TMEM131: variants seen among roughly 807,000 people sequenced by gnomAD.
TMEM131 encodes the protein transmembrane protein 131.
In TMEM131, 66 loss-of-function variants were observed where a neutral mutation model predicts 211.6. The ratio of observed to expected loss-of-function variants is 0.31; its 90% CI spans 0.26 to 0.38. The LOEUF (loss-of-function observed/expected upper bound fraction) is 0.38, where lower values mean the gene tolerates loss of function less well. Among genes scored for constraint, TMEM131 ranks in the 10% least tolerant of loss-of-function variants. TMEM131 has a pLI of 1.00. For missense variants in TMEM131, 2,036 were observed against 2,299.3 expected, an observed-to-expected ratio of 0.89 and a Z score of 2.34; for synonymous variants, 844 against 841.3, an observed-to-expected ratio of 1.00 and a Z score of -0.06.
intron 31 of TMEM131, among the ~76,000 whole-genome samples, chr2:97,784,790 A>G (rs1680174308): frequency 1.3e-5 from 2 of 152,176 alleles, no homozygotes; most frequent in African/African-American, 4.8e-5. Flanking sequence ...TAAGCAACGG[A>G]GAAAAATCAA....
At chr2:97,973,779 G>A (rs1231969606) in intron 1 of TMEM131, among the ~76,000 whole-genome samples, 1 of 152,206 alleles carries the variant, frequency 6.6e-6, no homozygotes, top group Non-Finnish European at 1.5e-5. Flanking sequence ...GTGCTCAGGA[G>A]GGCCTTACCT....
Position 97,833,437 on chromosome 2 carries a change from TG to T in TMEM131, c.1013-12del. The T allele has an allele frequency of 8.1e-7, 1 of 1,240,384 alleles. No individual in the cohort carries two copies. Among genetic ancestry groups the T allele is most frequent in the South Asian group, 1.4e-5 (1 of 70,954 alleles). 76.8% of individuals were successfully genotyped at this position (1,240,384 alleles called of 1,614,324 possible). ...AAACTTTTGGTAGATCTGTTAAAAT[TG>T]AGGAAAAGAAATATTTCTTAAAAAG... On this transcript the variant is annotated splice_polypyrimidine_tract_variant and intron_variant, in intron 10 of 40. Transcript: ENST00000186436.
At chr2:97,842,490 G>A (rs1291749411) in intron 6 of TMEM131, among the ~76,000 whole-genome samples, 1 of 149,002 alleles carries the variant, frequency 6.7e-6, no homozygotes, top group Non-Finnish European at 1.5e-5. Context: ...TAGTATTGGA[G>A]ACAGACTGGA....
rs1677036299 is a variant in TMEM131, at chr2:97,927,402, C to CT, written c.249+23dup. 35 of 1,559,454 alleles carry CT rather than the reference C, an allele frequency of 2.2e-5. No individual in the cohort carries two copies. In the Admixed American group the frequency reaches 6.1e-4, roughly 27 times the overall value. On this transcript the variant is annotated intron_variant, in intron 2 of 40. Coordinates refer to ENST00000186436, the MANE Select transcript of TMEM131 (RefSeq NM_015348.2). ...GATATTATTCAAGGCTTAACAATAA[C>CT]TTGTCTACTTAAAAAAAAATTACCT...
chr2:97,903,285 C>T (rs1161415171), intron 3 of TMEM131, among the ~76,000 whole-genome samples: 3 of 152,114 alleles, frequency 2.0e-5, no homozygotes, highest in Middle Eastern at 3.4e-3. Flanking sequence ...TAAGCACGTG[C>T]GATTTTTTTA....
chr2:97,944,425 T>C (rs1293662405), intron 1 of TMEM131, among the ~76,000 whole-genome samples: 3 of 152,202 alleles, frequency 2.0e-5, no homozygotes, highest in Non-Finnish European at 4.4e-5. Context: ...AGGCAATGGT[T>C]TCTTAACTAG....
At chr2:97,969,030 C>A (rs1307128844) in intron 1 of TMEM131, among the ~76,000 whole-genome samples, 1 of 151,116 alleles carries the variant, frequency 6.6e-6, no homozygotes. Context: ...CTGCAGTGAG[C>A]CATAATTGTG....
rs116648677 is a variant in TMEM131 at position 97,984,873 on chromosome 2, G to A, written c.187+10603C>T. The stretch of plus-strand genomic sequence containing the variant: ...ATGGAGCAAATGTGGAAGTGTGTGA[G>A]TATAGCCTGGCAGCTGCAGGCAGCC... On this transcript the variant is annotated intron_variant, in intron 1 of 40. Transcript: ENST00000186436. Among the ~76,000 whole-genome samples, 948 of 152,206 alleles carry A rather than the reference G, an allele frequency of 6.2e-3. 14 individuals carry two copies. Among genetic ancestry groups the A allele is most frequent in the African/African-American group, 0.02 (827 of 41,524 alleles).
intron 2 of TMEM131, chr2:97,911,557 G>C (rs1321112835): frequency 1.1e-6 from 1 of 911,002 alleles, no homozygotes; most frequent in Non-Finnish European, 1.3e-6. Context: ...GCACTTTCTT[G>C]AGGAGAAAAA....
intron 19 of TMEM131, among the ~76,000 whole-genome samples, chr2:97,808,099 T>G (rs1681395078): frequency 6.6e-6 from 1 of 152,146 alleles, no homozygotes; most frequent in Non-Finnish European, 1.5e-5. Context: ...ATGAAATTCA[T>G]TTATGTTTCA....
chr2:97,907,302 G>A (rs1045721554), intron 3 of TMEM131: 1 of 152,028 alleles, frequency 6.6e-6, no homozygotes, highest in African/African-American at 2.4e-5. Flanking sequence ...CAGAACAATG[G>A]GGGAAAAGGG....
At chr2:97,762,356 A>T (rs903646412) in intron 35 of TMEM131, 156 bp from the exon 36 acceptor site, 1 of 711,776 alleles carries the variant, frequency 1.4e-6, no homozygotes, top group Admixed American at 3.2e-5. Context: ...ACAGGTTTTA[A>T]AGAGAAAGCA....
rs151041231 is a variant in TMEM131 at position 97,908,105 on chromosome 2, A to C, written c.290+553T>G. Among the ~76,000 whole-genome samples the C allele has an allele frequency of 2.4e-3, 371 of 152,336 alleles. 3 individuals are homozygous for C. The highest frequency in any genetic ancestry group is 8.3e-3 in the African/African-American group (347 of 41,582). On this transcript the variant is annotated intron_variant, in intron 3 of 40. Transcript: ENST00000186436. ...AGTATGTCTCTTTACAGATGTGAGA[A>C]GGTATCAAAAGACCAAATAATTTGG... is the stretch of plus-strand genomic sequence containing the variant.
chr2:97,968,289 CTA>C (rs1679144220), intron 1 of TMEM131, among the ~76,000 whole-genome samples: 1 of 152,070 alleles, frequency 6.6e-6, no homozygotes, highest in African/African-American at 2.4e-5. Flanking sequence ...CGCAGAGGGT[CTA>C]TGTTTCCTTT....
intron 1 of TMEM131, among the ~76,000 whole-genome samples, chr2:97,930,536 A>G (rs1052377341): frequency 6.6e-6 from 1 of 151,898 alleles, no homozygotes; most frequent in Non-Finnish European, 1.5e-5. Context: ...ACTATGTTAC[A>G]CATCACTGGC....
chr2:97,874,969 A>G (rs984400472), intron 4 of TMEM131, among the ~76,000 whole-genome samples: 1 of 152,198 alleles, frequency 6.6e-6, no homozygotes, highest in African/African-American at 2.4e-5. Context: ...TGTACTCAGG[A>G]GACTCATCTC....
Position 97,790,567 on chromosome 2 carries a change from T to C in TMEM131, c.4144+1819A>G, listed in dbSNP as rs893349505. On this transcript the variant is annotated intron_variant, in intron 31 of 40. Transcript: ENST00000186436. ...TCAATGAGTGACCCTGAAAATAGAA[T>C]TGGCCCATCACGCTGGTGTTGGAAG... Among the ~76,000 whole-genome samples the C allele has an allele frequency of 5.3e-5, 8 of 152,204 alleles. 1 individual carries two copies. The highest frequency in any genetic ancestry group is 5.9e-5 in the Non-Finnish European group (4 of 68,034).
chr2:97,855,293 C>T (rs1338556108), intron 5 of TMEM131, among the ~76,000 whole-genome samples: 1 of 152,244 alleles, frequency 6.6e-6, no homozygotes, highest in Non-Finnish European at 1.5e-5. Context: ...ACTCAAACTT[C>T]CTCCATTCTC....
chr2:97,813,094 C>A (rs1228611385), intron 15 of TMEM131, among the ~76,000 whole-genome samples: 1 of 152,106 alleles, frequency 6.6e-6, no homozygotes, highest in Admixed American at 6.5e-5. Context: ...TGACGAAAGT[C>A]TTTTGAGTAA....
Sources: gnomAD v4.1 joint callset for allele counts (sites outside exome capture counted in the v4.1 genomes callset) on GRCh38, gnomAD v4.1.1 for gene constraint, MANE v1.5 for transcripts, NCBI Gene and HGNC (gene_info 2026-07-23, HGNC 2026-07-21) for gene names.